Variants in VRK1 observed in about 807,000 individuals in gnomAD.
VRK1 encodes the protein serine/threonine-protein kinase VRK1.
A neutral mutation model predicts 57.1 loss-of-function variants in VRK1; 33 were observed. The observed-to-expected ratio is 0.58, with a 90% CI of 0.44 to 0.77. The LOEUF is 0.77. Ranked by LOEUF, VRK1 falls within the 30% of genes least tolerant of loss-of-function variation. The pLI, the probability that VRK1 is intolerant of heterozygous loss-of-function variation, is 0.00. For missense variants in VRK1, 413 were observed against 477.3 expected (o/e 0.87, Z 1.25); for synonymous variants, 137 against 147.8 (o/e 0.93, Z 0.53).
chr14:96,827,544 G>T (rs1283509949), intron 1 of VRK1, among the ~76,000 whole-genome samples: 4 of 151,956 alleles, frequency 2.6e-5, no homozygotes. Flanking sequence ...TAGCTCACTG[G>T]CCCTACAGAG....
chr14:96,848,305 A>G (rs1170709137), intron 5 of VRK1, among the ~76,000 whole-genome samples: 1 of 152,182 alleles, frequency 6.6e-6, no homozygotes, highest in Non-Finnish European at 1.5e-5. Context: ...TTCCTGGCAA[A>G]GAAAGCTTTC....
At position 96,833,694 on chromosome 14, in the gene VRK1, T is replaced by G. The variant is rs183178603; in HGVS notation, c.160+63T>G. The G allele has an allele frequency of 1.6e-5, 25 of 1,609,348 alleles. No homozygotes were observed. In the African/African-American group the frequency reaches 2.7e-4, roughly 17 times the overall value. ...TTTATATGTTTTCTTATGAAAATGG[T>G]TTCTCATTTATGAGCTGTTATGGGA... On this transcript the variant is annotated intron_variant, in intron 2 of 12. Coordinates refer to ENST00000216639, the MANE Select transcript of VRK1 (RefSeq NM_003384.3).
rs1321501271 is a variant in VRK1, at chr14:96,866,156, T to G, written c.1068+5421T>G. ...TTATTCATATTGGATAAGGAGAGCTTTATGTGAATTTACTAGATTATTGTA... is the reference window on the plus strand; with the variant it reads ...TTATTCATATTGGATAAGGAGAGCTGTATGTGAATTTACTAGATTATTGTA... On this transcript the variant is annotated intron_variant, in intron 11 of 12. Coordinates refer to ENST00000216639, the MANE Select transcript of VRK1 (RefSeq NM_003384.3). Among the ~76,000 whole-genome samples, 3 of 152,160 alleles carry G rather than the reference T, an allele frequency of 2.0e-5. 1 individual carries two copies. Among genetic ancestry groups the G allele is most frequent in the Admixed American group, 6.5e-5 (1 of 15,268 alleles).
chr14:96,853,420 G>A (rs1888027885), intron 7 of VRK1, among the ~76,000 whole-genome samples: 1 of 152,074 alleles, frequency 6.6e-6, no homozygotes, highest in African/African-American at 2.4e-5. Flanking sequence ...ATTTCAAATA[G>A]CTATTTGGGG....
chr14:96,807,208 A>T (rs1885914664), intron 1 of VRK1, among the ~76,000 whole-genome samples: 1 of 152,166 alleles, frequency 6.6e-6, no homozygotes, highest in Non-Finnish European at 1.5e-5. Context: ...TATTTTTATT[A>T]AAGTTTTGAC....
Position 96,855,264 on chromosome 14 carries a change from C to A in VRK1, c.617C>A (p.Pro206Gln), listed in dbSNP as rs1412431442. 9 of 1,613,858 alleles carry A rather than the reference C, an allele frequency of 5.6e-6. No homozygotes were observed. The Admixed American group carries it at 1.5e-4, about 27-fold the overall frequency. The stretch of plus-strand genomic sequence containing the variant: ...TATGGCCTTGCTTATCGGTACTGCC[C>A]AGAAGGAGTTCATAAAGAATACAAA... The part of the protein sequence containing the change: ...VDYGLAYRYC[P>Q]EGVHKEYKED... Residue 206 changes from proline to glutamine, a missense_variant, in exon 8 of 13, where the codon CCA becomes CAA. By Grantham distance (76) the Pro-to-Gln change is moderately conservative. This residue lies in a region of VRK1 where 151 missense variants were observed against 225.5 expected (regional missense o/e 0.67). Coordinates refer to ENST00000216639, the MANE Select transcript of VRK1 (RefSeq NM_003384.3).
intron 1 of VRK1, among the ~76,000 whole-genome samples, chr14:96,823,872 A>G (rs1272337356): frequency 6.6e-6 from 1 of 152,194 alleles, no homozygotes; most frequent in African/African-American, 2.4e-5. Context: ...TCTATTTTTC[A>G]AGGCTGAATA....
At chr14:96,880,003 T>C (rs1355974461) in intron 12 of VRK1, among the ~76,000 whole-genome samples, 4 of 152,030 alleles carry the variant, frequency 2.6e-5, no homozygotes, top group Non-Finnish European at 5.9e-5. Context: ...ATATTTTTAA[T>C]AGATGGCCGT....
At chr14:96,869,277 A>C (rs77834954) in intron 11 of VRK1, among the ~76,000 whole-genome samples, 1,677 of 152,306 alleles carry the variant, frequency 0.011, 27 homozygotes, top group South Asian at 0.064. Flanking sequence ...TATTTAATCC[A>C]CTATTTAACT....
At chr14:96,876,588 C>G (rs1046796605) in intron 12 of VRK1, among the ~76,000 whole-genome samples, 5 of 152,140 alleles carry the variant, frequency 3.3e-5, no homozygotes, top group African/African-American at 1.2e-4. Flanking sequence ...AATGTCTTTC[C>G]ACTTCCTCAC....
Position 96,881,366 on chromosome 14 carries a change from AT to A in VRK1, c.*162del. On this transcript the variant is annotated 3_prime_UTR_variant, in exon 13 of 13. Coordinates refer to ENST00000216639, the MANE Select transcript of VRK1 (RefSeq NM_003384.3). ...AAACATAAACTTTTTTTATAAAAAT[AT>A]TTTGTACAATTCATTAAAGGCTAAT... The A allele has an allele frequency of 1.5e-6, 1 of 656,198 alleles. No individual in the cohort carries two copies. Among genetic ancestry groups the A allele is most frequent in the Non-Finnish European group, 2.5e-6 (1 of 399,312 alleles). 40.6% of individuals were successfully genotyped at this position (656,198 alleles called of 1,614,324 possible). A position where few individuals can be genotyped will look rare whatever the true frequency, so the allele number is the denominator to read the frequency against.
chr14:96,868,785 G>T (rs1401998867), intron 11 of VRK1, among the ~76,000 whole-genome samples: 2 of 146,822 alleles, frequency 1.4e-5, no homozygotes, highest in Admixed American at 1.4e-4. Context: ...CTTCGGAAAT[G>T]TTAAGCATTT....
chr14:96,860,895 A>G, intron 11 of VRK1, 160 bp downstream of exon 11: 1 of 614,256 alleles, frequency 1.6e-6, no homozygotes, highest in Non-Finnish European at 2.7e-6. Context: ...AGAGGGTTGT[A>G]GAAAAATAAA....
At chr14:96,819,526 G>A (rs1886516885) in intron 1 of VRK1, among the ~76,000 whole-genome samples, 1 of 152,166 alleles carries the variant, frequency 6.6e-6, no homozygotes. Flanking sequence ...AATTAGGTTG[G>A]TGCACAAATA....
At chr14:96,847,071 T>G (rs560852155) in intron 4 of VRK1, among the ~76,000 whole-genome samples, 186 bp from the exon 5 acceptor site, 15 of 152,320 alleles carry the variant, frequency 9.8e-5, no homozygotes, top group Admixed American at 2.6e-4. Context: ...TTTTGTAGGT[T>G]AATAAAAATG....
chr14:96,869,588 T>G (rs1888730975), intron 11 of VRK1, among the ~76,000 whole-genome samples: 1 of 152,236 alleles, frequency 6.6e-6, no homozygotes, highest in Non-Finnish European at 1.5e-5. Context: ...CTCCATCTTG[T>G]TAAGGCAGAA....
At chr14:96,800,089 G>C (rs184391167) in intron 1 of VRK1, among the ~76,000 whole-genome samples, 1 of 152,136 alleles carries the variant, frequency 6.6e-6, no homozygotes, top group Non-Finnish European at 1.5e-5. Flanking sequence ...TTAAAAGGGT[G>C]ATAGAACCCT....
Position 96,855,296 on chromosome 14 carries a change from C to A in VRK1, c.649C>A (p.Pro217Thr), listed in dbSNP as rs924108390. Residue 217 changes from proline to threonine, a missense_variant, in exon 8 of 13, where the codon CCC becomes ACC. Around this residue, in one of 3 missense-constraint regions of VRK1, gnomAD observed 151 missense variants for 225.5 expected, o/e 0.67. Transcript: ENST00000216639. ...EGVHKEYKED[P>T]KRCHDGTIEF... Reference sequence around the variant, plus strand: ...AGTTCATAAAGAATACAAAGAAGACCCCAAAAGATGTCACGATGGCACTAT... The same window carrying A: ...AGTTCATAAAGAATACAAAGAAGACACCAAAAGATGTCACGATGGCACTAT... 1.9e-6 allele frequency: 3 copies of A among 1,613,826 alleles called. No homozygotes were observed. The highest frequency in any genetic ancestry group is 8.5e-7 in the Non-Finnish European group (1 of 1,179,958).
chr14:96,824,182 TGTAGG>T (rs1204980274), intron 1 of VRK1, among the ~76,000 whole-genome samples: 5 of 152,232 alleles, frequency 3.3e-5, no homozygotes, highest in Non-Finnish European at 5.9e-5. Flanking sequence ...GCTGTGGAAA[TGTAGG>T]TGGTCTGCTT....
Sources: gnomAD v4.1 joint callset for allele counts (sites outside exome capture counted in the v4.1 genomes callset) on GRCh38, gnomAD v4.1.1 for gene constraint, gnomAD v4.1.1 regional missense constraint, MANE v1.5 for transcripts, NCBI Gene and HGNC (gene_info 2026-07-23, HGNC 2026-07-21) for gene names.